COP1: variants seen among roughly 807,000 people sequenced by gnomAD.
COP1 encodes COP1 E3 ubiquitin ligase, also known as E3 ubiquitin-protein ligase COP1.
A neutral mutation model predicts 101.3 loss-of-function variants in COP1; 24 were observed. The observed-to-expected ratio is 0.24, with a 90% confidence interval of 0.17 to 0.33. The LOEUF (loss-of-function observed/expected upper bound fraction) is 0.33. Ranked by LOEUF, COP1 falls within the 10% of genes least tolerant of loss-of-function variation. COP1 has a pLI of 1.00. For synonymous variants in COP1, 347 were observed against 341.9 expected (o/e 1.01, Z -0.17); for missense variants, 663 against 906.2 (o/e 0.73, Z 3.45).
chr1:176,086,704 A>G (rs1680237720), intron 9 of COP1, among the ~76,000 whole-genome samples: 1 of 152,206 alleles, frequency 6.6e-6, no homozygotes, highest in South Asian at 2.1e-4. Flanking sequence ...TTATAAATTC[A>G]ATGCCATCCC....
chr1:176,085,712 C>T (rs1680013328), intron 10 of COP1, 64 bp downstream of exon 10: 3 of 984,626 alleles, frequency 3.0e-6, no homozygotes, highest in African/African-American at 1.6e-5. Flanking sequence ...AAATTCAGCA[C>T]AAAAACCTAG....
chr1:176,204,726 C>G (rs1248135322), intron 1 of COP1, among the ~76,000 whole-genome samples: 1 of 152,164 alleles, frequency 6.6e-6, no homozygotes, highest in African/African-American at 2.4e-5. Context: ...GAGTTCAAGA[C>G]CTGCCTGGCC....
intron 3 of COP1, among the ~76,000 whole-genome samples, chr1:176,168,062 A>G (rs1695408185): frequency 6.9e-6 from 1 of 145,672 alleles, no homozygotes; most frequent in South Asian, 2.2e-4. Context: ...TCAATTTACG[A>G]TTTTTTTTTT....
intron 18 of COP1, among the ~76,000 whole-genome samples, chr1:175,968,809 C>G (rs538670364): frequency 6.6e-6 from 1 of 152,212 alleles, no homozygotes; most frequent in Non-Finnish European, 1.5e-5. Context: ...AAAGTCTTCT[C>G]GCCAACTGGC....
chr1:176,191,630 T>C (rs1699124241), intron 1 of COP1, among the ~76,000 whole-genome samples: 1 of 152,058 alleles, frequency 6.6e-6, no homozygotes, highest in Non-Finnish European at 1.5e-5. Context: ...TTTACACCTA[T>C]ACCGATAACA....
intron 15 of COP1, among the ~76,000 whole-genome samples, chr1:176,020,881 G>A (rs1047208163): frequency 6.6e-6 from 1 of 152,198 alleles, no homozygotes. Context: ...ATAATCTAAA[G>A]TATTTACAAT....
In COP1 at chr1:176,019,182, T is replaced by C. The variant is rs368379401; in HGVS notation, c.1729+8390A>G. Among the ~76,000 whole-genome samples, 393 of 135,152 alleles carry C rather than the reference T, an allele frequency of 2.9e-3. 3 individuals are homozygous for C. Among genetic ancestry groups the C allele is most frequent in the African/African-American group, 0.011 (375 of 35,448 alleles). 88.7% of individuals were successfully genotyped at this position (135,152 alleles called of 152,430 possible). A position where few individuals can be genotyped will look rare whatever the true frequency, so the allele number is the denominator to read the frequency against. On this transcript the variant is annotated intron_variant, in intron 15 of 19. Transcript: ENST00000367669. ...ATAGACTTTTTAAAAAAATAAATCATGGCCGGGTGTGGTGGTTCACACCTG... is the reference window on the plus strand; with the variant it reads ...ATAGACTTTTTAAAAAAATAAATCACGGCCGGGTGTGGTGGTTCACACCTG...
intron 18 of COP1, among the ~76,000 whole-genome samples, chr1:175,980,892 G>A (rs1252279928): frequency 6.6e-6 from 1 of 152,050 alleles, no homozygotes; most frequent in Non-Finnish European, 1.5e-5. Flanking sequence ...TGGACTCAGG[G>A]TCTACCCCTA....
chr1:176,142,954 G>A (rs1019746473), intron 6 of COP1, among the ~76,000 whole-genome samples: 1 of 151,750 alleles, frequency 6.6e-6, no homozygotes, highest in Non-Finnish European at 1.5e-5. Flanking sequence ...AACAGATTAG[G>A]AAGGAACAAA....
At chr1:176,043,106 T>C (rs1670923468) in intron 14 of COP1, 80 bp downstream of exon 14, 1 of 817,204 alleles carries the variant, frequency 1.2e-6, no homozygotes, top group African/African-American at 1.7e-5. Context: ...GAGTAAATAT[T>C]TGTATTTCTG....
intron 9 of COP1, among the ~76,000 whole-genome samples, chr1:176,090,751 T>C (rs1265179396): frequency 1.3e-5 from 2 of 151,962 alleles, no homozygotes; most frequent in Non-Finnish European, 2.9e-5. Context: ...TGAAAAACAA[T>C]ATAAAAGGCA....
chr1:176,085,813 C>T lies in COP1; in HGVS notation c.1104G>A (p.Glu368=). 1 of 1,606,686 alleles carries T rather than the reference C, an allele frequency of 6.2e-7. No individual in the cohort carries two copies. Among genetic ancestry groups the T allele is most frequent in the Non-Finnish European group, 8.5e-7 (1 of 1,174,568 alleles). ...ACATCCTTGTAGAAAAGTAACACTG[C>T]TCCAAGTCTTCAAAATGAGCAGTAA... The part of the protein sequence containing the change: ...KRLTAHFEDL[E]QCYFSTRMSR... The change falls in exon 10 of 20, where the codon GAG becomes GAA. Residue 368 remains glutamate (E), a synonymous_variant. Coordinates refer to ENST00000367669, the MANE Select transcript of COP1 (RefSeq NM_022457.7).
chr1:176,103,728 TAA>T (rs1025330169), intron 9 of COP1, among the ~76,000 whole-genome samples: 10 of 152,174 alleles, frequency 6.6e-5, no homozygotes, highest in African/African-American at 2.4e-4. Context: ...ATCTCAAAAT[TAA>T]AAGTTTAATT....
chr1:176,097,717 A>G (rs1039690459), intron 9 of COP1, among the ~76,000 whole-genome samples: 36 of 152,092 alleles, frequency 2.4e-4, no homozygotes, highest in African/African-American at 8.4e-4. Flanking sequence ...AAAAATACAA[A>G]AACTAGCTAG....
At chr1:176,153,208 G>A (rs1692892500) in intron 5 of COP1, among the ~76,000 whole-genome samples, 1 of 152,058 alleles carries the variant, frequency 6.6e-6, no homozygotes, top group Admixed American at 6.5e-5. Flanking sequence ...AGGGATGGCA[G>A]CAAAGCAGGT....
chr1:176,110,880 G>A (rs547429542), intron 9 of COP1, among the ~76,000 whole-genome samples: 7 of 152,170 alleles, frequency 4.6e-5, no homozygotes, highest in South Asian at 2.1e-4. Flanking sequence ...TCAGCAGGGC[G>A]CAGTGGCTCA....
intron 15 of COP1, among the ~76,000 whole-genome samples, chr1:176,012,584 T>C (rs538088858): frequency 1.3e-5 from 2 of 152,374 alleles, no homozygotes; most frequent in South Asian, 4.1e-4. Flanking sequence ...TAGGTCTTCA[T>C]ATTCACTCAC....
chr1:176,043,833 G>A lies in COP1; in HGVS notation c.1422-15C>T, dbSNP rs1019219952. 1.7e-5 allele frequency: 23 copies of A among 1,383,832 alleles called. No individual in the cohort carries two copies. Among genetic ancestry groups the A allele is most frequent in the Non-Finnish European group, 2.3e-5 (23 of 978,826 alleles). The allele number at this position is 1,383,832 out of a possible 1,614,324, so 85.7% of individuals were successfully genotyped here. A position where few individuals can be genotyped will look rare whatever the true frequency, so the allele number is the denominator to read the frequency against. On this transcript the variant is annotated splice_polypyrimidine_tract_variant and intron_variant, in intron 12 of 19. Coordinates refer to ENST00000367669, the MANE Select transcript of COP1 (RefSeq NM_022457.7). The stretch of plus-strand genomic sequence containing the variant: ...AACTGATACAGCTGAAAGAAATACA[G>A]TTAAAAGTTACTTTACATAAAAATA...
At chr1:176,028,696 C>CATATAT (rs369887649) in intron 14 of COP1, among the ~76,000 whole-genome samples, 8,341 of 47,686 alleles carry the variant, frequency 0.17, 1,219 homozygotes, top group East Asian at 0.22. Context: ...ATATTTGTTT[C>CATATAT]ATATATATAT....
Sources: allele counts gnomAD v4.1 joint callset (sites outside exome capture counted in the v4.1 genomes callset), GRCh38; gene constraint gnomAD v4.1.1; transcripts MANE v1.5; gene names NCBI Gene and HGNC (gene_info 2026-07-23, HGNC 2026-07-21).